The following SNX29 variants were observed in gnomAD, a reference collection of about 807,000 sequenced individuals.
SNX29 encodes sorting nexin 29, also known as sorting nexin-29.
In SNX29, 78 loss-of-function variants were observed where a neutral mutation model predicts 102.1. The ratio of observed to expected loss-of-function variants is 0.76; its 90% CI spans 0.64 to 0.92. SNX29 has a LOEUF of 0.92. Ranked by LOEUF, SNX29 falls within the 40% of genes least tolerant of loss-of-function variation. The pLI is 0.00. For synonymous variants in SNX29, 580 were observed against 414.5 expected, an observed-to-expected ratio of 1.40 and a Z score of -4.85; for missense variants, 1,280 against 1,061.7, an observed-to-expected ratio of 1.21 and a Z score of -2.86.
chr16:12,425,014 G>T (rs1037373513), intron 18 of SNX29, among the ~76,000 whole-genome samples: 10 of 152,254 alleles, frequency 6.6e-5, no homozygotes, highest in Admixed American at 6.5e-4. Flanking sequence ...GATTAAAGAT[G>T]TGTAACTACA....
At chr16:12,321,443 T>C (rs1046774639) in intron 15 of SNX29, among the ~76,000 whole-genome samples, 2 of 152,140 alleles carry the variant, frequency 1.3e-5, no homozygotes, top group Non-Finnish European at 2.9e-5. Flanking sequence ...AGGCCAGGCC[T>C]GGGAGTGAGG....
At chr16:12,329,740 G>A (rs1334019587) in intron 15 of SNX29, among the ~76,000 whole-genome samples, 1 of 152,204 alleles carries the variant, frequency 6.6e-6, no homozygotes, top group East Asian at 1.9e-4. Context: ...CACTCAGGTG[G>A]GATTGAGGTG....
At chr16:12,153,278 C>T (rs1200260670) in intron 13 of SNX29, among the ~76,000 whole-genome samples, 1 of 151,960 alleles carries the variant, frequency 6.6e-6, no homozygotes, top group Non-Finnish European at 1.5e-5. Context: ...GAATGAATGG[C>T]ACATCCTTTA....
At chr16:12,359,504 T>A (rs1314178653) in intron 16 of SNX29, among the ~76,000 whole-genome samples, 2 of 152,266 alleles carry the variant, frequency 1.3e-5, no homozygotes, top group Non-Finnish European at 2.9e-5. Context: ...GCTTTCTCAC[T>A]GTTTTTATAT....
intron 19 of SNX29, among the ~76,000 whole-genome samples, chr16:12,481,214 C>G (rs2087890971): frequency 6.6e-6 from 1 of 152,122 alleles, no homozygotes; most frequent in African/African-American, 2.4e-5. Context: ...TACAAGTGCA[C>G]CAGCTGGTTC....
chr16:12,075,544 C>G (rs2151324290), intron 10 of SNX29, among the ~76,000 whole-genome samples: 1 of 152,234 alleles, frequency 6.6e-6, no homozygotes, highest in African/African-American at 2.4e-5. Context: ...AGAGGAGTAC[C>G]CAGCCGTGTG....
At chr16:12,519,167 G>C (rs138552661) in intron 19 of SNX29, among the ~76,000 whole-genome samples, 1 of 152,078 alleles carries the variant, frequency 6.6e-6, no homozygotes, top group East Asian at 1.9e-4. Flanking sequence ...GAAATCTCCC[G>C]GTTTTAATGT....
chr16:12,571,947 A>T lies in SNX29; in HGVS notation c.*3318A>T, dbSNP rs1417165129. 1 of 1,061,546 alleles carries T rather than the reference A, an allele frequency of 9.4e-7. No individual in the cohort carries two copies. Among genetic ancestry groups the T allele is most frequent in the African/African-American group, 1.6e-5 (1 of 60,850 alleles). 65.8% of individuals were successfully genotyped at this position (1,061,546 alleles called of 1,614,324 possible). Reference sequence around the variant, plus strand: ...TGGTGAAGGAAGACACTTTCAGGGAAGAGGCTCTTACAGTCTATGGTGGTA... The same window carrying T: ...TGGTGAAGGAAGACACTTTCAGGGATGAGGCTCTTACAGTCTATGGTGGTA... On this transcript the variant is annotated 3_prime_UTR_variant, in exon 21 of 21. Transcript: ENST00000566228.
intron 16 of SNX29, among the ~76,000 whole-genome samples, chr16:12,378,136 G>A (rs1436993639): frequency 2.6e-5 from 4 of 152,204 alleles, no homozygotes; most frequent in Non-Finnish European, 5.9e-5. Flanking sequence ...TTGCTGCAAA[G>A]GAATGCCTGA....
In SNX29 at chr16:12,125,605, C is replaced by CTCT. The variant is rs2054175978; in HGVS notation, c.1403-1027_1403-1026insCTT. Among the ~76,000 whole-genome samples, 7 of 45,454 alleles carry CTCT rather than the reference C, an allele frequency of 1.5e-4. 1 individual carries two copies. The highest frequency in any genetic ancestry group is 2.1e-4 in the Non-Finnish European group (5 of 24,226). The allele number at this position is 45,454 out of a possible 152,430, so 29.8% of individuals were successfully genotyped here. ...AGGGGGGCTTGTGGCTGAGATCTCT[C>CTCT]TTTTTTTTTTTTTTTTTTTTTTTTT... On this transcript the variant is annotated intron_variant, in intron 11 of 20. Coordinates refer to ENST00000566228, the MANE Select transcript of SNX29 (RefSeq NM_032167.5).
chr16:12,537,373 C>T (rs1405637314), intron 20 of SNX29, among the ~76,000 whole-genome samples: 2 of 152,240 alleles, frequency 1.3e-5, no homozygotes, highest in Non-Finnish European at 2.9e-5. Flanking sequence ...TGGTGCATGA[C>T]AGAAAGAGCA....
At position 12,574,058 on chromosome 16, in the gene SNX29, G is replaced by A. The variant is rs1374056548; in HGVS notation, c.*5429G>A. On this transcript the variant is annotated 3_prime_UTR_variant, in exon 21 of 21. Coordinates refer to ENST00000566228, the MANE Select transcript of SNX29 (RefSeq NM_032167.5). Reference sequence around the variant, plus strand: ...GTCTGATAGTCTGTGTGTACATAAGGTCTAGAAGTCTGTGGAAACGCCCTG... The same window carrying A: ...GTCTGATAGTCTGTGTGTACATAAGATCTAGAAGTCTGTGGAAACGCCCTG... 1 of 192,490 alleles carries A rather than the reference G, an allele frequency of 5.2e-6. No individual in the cohort carries two copies. The highest frequency in any genetic ancestry group is 1.1e-5 in the Non-Finnish European group (1 of 92,188). The allele number at this position is 192,490 out of a possible 1,614,324, so 11.9% of individuals were successfully genotyped here.
At chr16:12,347,220 A>C (rs1416401729) in intron 15 of SNX29, among the ~76,000 whole-genome samples, 1 of 151,220 alleles carries the variant, frequency 6.6e-6, no homozygotes, top group Non-Finnish European at 1.5e-5. Flanking sequence ...CCTACACAGC[A>C]CTGTCTCGGT....
At chr16:12,320,640 C>G (rs1029387823) in intron 15 of SNX29, among the ~76,000 whole-genome samples, 1 of 152,140 alleles carries the variant, frequency 6.6e-6, no homozygotes, top group African/African-American at 2.4e-5. Flanking sequence ...CACTGTGTTC[C>G]AGGCAGTGTG....
intron 11 of SNX29, among the ~76,000 whole-genome samples, chr16:12,095,580 C>G (rs1174835925): frequency 2.6e-5 from 4 of 152,218 alleles, no homozygotes; most frequent in African/African-American, 4.8e-5. Context: ...TTGCCAGTCA[C>G]TTTGTGGTCC....
intron 20 of SNX29, among the ~76,000 whole-genome samples, chr16:12,563,745 A>G (rs951862130): frequency 6.6e-6 from 1 of 152,186 alleles, no homozygotes; most frequent in Non-Finnish European, 1.5e-5. Flanking sequence ...TTCTTTACCC[A>G]ACAGCCACAA....
rs2076865077 is a variant in SNX29, at chr16:12,199,653, A to T, written c.1648A>T (p.Met550Leu). 1 of 1,613,112 alleles carries T rather than the reference A, an allele frequency of 6.2e-7. No individual in the cohort carries two copies. Among genetic ancestry groups the T allele is most frequent in the Non-Finnish European group, 8.5e-7 (1 of 1,179,548 alleles). ...GAAGAAATATGTAGGAGCTGTCCAG[A>T]TGCTGAAAAGAGAAGGTCAAACAGC... ...QLKKYVGAVQMLKREGQTAEV... is the reference protein window; with the variant it reads ...QLKKYVGAVQLLKREGQTAEV... Residue 550 changes from methionine to leucine, a missense_variant, in exon 14 of 21, where the codon ATG becomes TTG. Transcript: ENST00000566228.
intron 10 of SNX29, among the ~76,000 whole-genome samples, chr16:12,070,585 C>T (rs1398407585): frequency 6.6e-6 from 1 of 151,800 alleles, no homozygotes; most frequent in African/African-American, 2.4e-5. Context: ...CTTTGTTGGA[C>T]ATTCGGGTTG....
intron 13 of SNX29, among the ~76,000 whole-genome samples, chr16:12,169,674 A>G (rs1456736591): frequency 1.3e-5 from 2 of 152,174 alleles, no homozygotes; most frequent in Non-Finnish European, 2.9e-5. Context: ...AGCCTGGCCA[A>G]CATGGTGAAA....
Sources: allele counts gnomAD v4.1 joint callset (sites outside exome capture counted in the v4.1 genomes callset), GRCh38; gene constraint gnomAD v4.1.1; transcripts MANE v1.5; gene names NCBI Gene and HGNC (gene_info 2026-07-23, HGNC 2026-07-21).